The following SPPL2A variants were observed in gnomAD, a reference collection of about 807,000 sequenced individuals.
The protein encoded by SPPL2A is signal peptide peptidase-like 2A.
Under a neutral mutation model 63.8 loss-of-function variants are expected in SPPL2A, and 51 were observed. The ratio of observed to expected loss-of-function variants is 0.80; its 90% confidence interval spans 0.64 to 1.01. SPPL2A has a LOEUF of 1.01. Ranked by LOEUF, SPPL2A falls within the 50% of genes least tolerant of loss-of-function variation. The probability of loss-of-function intolerance (pLI) is 0.00; values close to 1 mark genes in which losing one functional copy is unlikely to be tolerated. For synonymous variants in SPPL2A, 188 were observed against 205.8 expected, an observed-to-expected ratio of 0.91 and a Z score of 0.74; for missense variants, 553 against 622.7, an observed-to-expected ratio of 0.89 and a Z score of 1.19.
In SPPL2A at chr15:50,711,320, C is replaced by T. The variant is rs948024106; in HGVS notation, c.1489-3446G>A. On this transcript the variant is annotated intron_variant, in intron 14 of 14. Coordinates refer to ENST00000261854, the MANE Select transcript of SPPL2A (RefSeq NM_032802.4). The stretch of plus-strand genomic sequence containing the variant: ...CGCCTCCCGGGTTCAAGCAATTCTC[C>T]CCCCTCAGCCTCCCTAGTAGCTGGG... Among the ~76,000 whole-genome samples, 8 of 151,764 alleles carry T rather than the reference C, an allele frequency of 5.3e-5. No individual in the cohort carries two copies. In the South Asian group the frequency reaches 8.3e-4, roughly 16 times the overall value.
At chr15:50,764,319 C>T (rs190238621) in intron 1 of SPPL2A, among the ~76,000 whole-genome samples, 32 of 152,324 alleles carry the variant, frequency 2.1e-4, no homozygotes, top group Non-Finnish European at 3.8e-4. Flanking sequence ...AAGACTCCGA[C>T]TAACACTGCT....
At position 50,736,209 on chromosome 15, in the gene SPPL2A, A is replaced by C. The variant is rs1486794377; in HGVS notation, c.831-7T>G. 6.5e-7 allele frequency: 1 copy of C among 1,550,050 alleles called. No homozygotes were observed. Among genetic ancestry groups the C allele is most frequent in the East Asian group, 2.2e-5 (1 of 44,508 alleles). ...TTTGCCACGACATGCAATCCTAAAA[A>C]ACAGATTAAAATAGTTAACACTGCA... On this transcript the variant is annotated splice_region_variant and splice_polypyrimidine_tract_variant and intron_variant, in intron 7 of 14. Transcript: ENST00000261854.
In SPPL2A at chr15:50,703,820, T is replaced by C. The variant is rs1394471613; in HGVS notation, c.*3980A>G. 6.6e-6 allele frequency: 1 copy of C among 152,072 alleles called. No individual in the cohort carries two copies. Among genetic ancestry groups the C allele is most frequent in the Non-Finnish European group, 1.5e-5 (1 of 68,014 alleles). The allele number at this position is 152,072 out of a possible 1,614,324, so 9.4% of individuals were successfully genotyped here. On this transcript the variant is annotated 3_prime_UTR_variant, in exon 15 of 15. Coordinates refer to ENST00000261854, the MANE Select transcript of SPPL2A (RefSeq NM_032802.4). The stretch of plus-strand genomic sequence containing the variant: ...CTCCATAAATATATACACCTACATG[T>C]ACCCACAATTTTTAAAAATGTAAAA...
chr15:50,719,839 T>C (rs1001038811), intron 14 of SPPL2A, 101 bp downstream of exon 14: 7 of 772,100 alleles, frequency 9.1e-6, no homozygotes, highest in South Asian at 1.9e-5. Context: ...ACAGTACTTT[T>C]TGGTACATAA....
intron 13 of SPPL2A, among the ~76,000 whole-genome samples, chr15:50,721,607 A>ATT (rs34462255): frequency 3.5e-5 from 5 of 143,246 alleles, no homozygotes; most frequent in East Asian, 2.0e-4. Flanking sequence ...TACAAAAATA[A>ATT]TTTTTTTTTT....
At chr15:50,711,729 T>C (rs969459202) in intron 14 of SPPL2A, among the ~76,000 whole-genome samples, 2 of 152,168 alleles carry the variant, frequency 1.3e-5, no homozygotes, top group Non-Finnish European at 2.9e-5. Context: ...GTCCTGCTTT[T>C]TACTACCAAT....
chr15:50,734,914 T>C (rs1443068992), intron 8 of SPPL2A, among the ~76,000 whole-genome samples: 1 of 152,216 alleles, frequency 6.6e-6, no homozygotes, highest in Non-Finnish European at 1.5e-5. Flanking sequence ...TTTTCTTTTT[T>C]TGTTTTTTTG....
At chr15:50,736,233 C>T (rs749940031) in intron 7 of SPPL2A, 31 bp from the exon 8 acceptor site, 8 of 1,240,636 alleles carry the variant, frequency 6.4e-6, no homozygotes, top group Non-Finnish European at 9.5e-6. Context: ...GTTAACACTG[C>T]AGATGAAGTA....
chr15:50,747,419 T>G, intron 5 of SPPL2A, 76 bp downstream of exon 5: 1 of 1,277,524 alleles, frequency 7.8e-7, no homozygotes, highest in Admixed American at 2.1e-5. Flanking sequence ...AATTTTTAAA[T>G]GTTGTTATAT....
At chr15:50,725,893 C>T (rs1400125187) in intron 11 of SPPL2A, 5 of 309,392 alleles carry the variant, frequency 1.6e-5, no homozygotes, top group East Asian at 7.8e-5. Flanking sequence ...ACCAAGTATC[C>T]CCACATTTAA....
At position 50,709,651 on chromosome 15, in the gene SPPL2A, G is replaced by A. The variant is rs567718822; in HGVS notation, c.1489-1777C>T. On this transcript the variant is annotated intron_variant, in intron 14 of 14. Coordinates refer to ENST00000261854, the MANE Select transcript of SPPL2A (RefSeq NM_032802.4). ...CTAAAAATACAAAAATTAGCCAAGC[G>A]TGGTGGTGCGCCTGTAATCCCAAAC... Among the ~76,000 whole-genome samples the A allele has an allele frequency of 1.1e-4, 16 of 152,128 alleles. No homozygotes were observed. In the South Asian group the frequency reaches 2.7e-3, roughly 26 times the overall value.
In SPPL2A at chr15:50,706,389, C is replaced by CAAACAAA; in HGVS notation, c.*1410_*1411insTTTGTTT. 2.2e-5 allele frequency: 1 copy of CAAACAAA among 45,024 alleles called. No homozygotes were observed. Among genetic ancestry groups the CAAACAAA allele is most frequent in the East Asian group, 6.4e-4 (1 of 1,552 alleles). The allele number at this position is 45,024 out of a possible 1,614,324, so 2.8% of individuals were successfully genotyped here. A position where few individuals can be genotyped will look rare whatever the true frequency, so the allele number is the denominator to read the frequency against. ...TGGGCGACAGAGCGAGACTCCGTCT[C>CAAACAAA]AAAAAAAAAAAAAAAAAAAAAAAGA... On this transcript the variant is annotated 3_prime_UTR_variant, in exon 15 of 15. Transcript: ENST00000261854.
intron 10 of SPPL2A, among the ~76,000 whole-genome samples, chr15:50,727,803 G>A (rs542727985): frequency 6.6e-6 from 1 of 152,116 alleles, no homozygotes; most frequent in Non-Finnish European, 1.5e-5. Context: ...ACTAAACTAA[G>A]GCCTGCTGCC....
At chr15:50,734,203 T>G (rs1234998455) in intron 8 of SPPL2A, among the ~76,000 whole-genome samples, 1 of 152,202 alleles carries the variant, frequency 6.6e-6, no homozygotes, top group Non-Finnish European at 1.5e-5. Context: ...CTCATGTTTA[T>G]TGCAGCACTA....
chr15:50,715,597 G>A (rs771719195), intron 14 of SPPL2A, among the ~76,000 whole-genome samples: 4 of 143,448 alleles, frequency 2.8e-5, no homozygotes, highest in African/African-American at 7.8e-5. Flanking sequence ...GTAGCTGCCC[G>A]TTAAGGGTGG....
chr15:50,757,939 G>A (rs1215400680), intron 1 of SPPL2A, among the ~76,000 whole-genome samples: 5 of 149,210 alleles, frequency 3.4e-5, no homozygotes, highest in Admixed American at 1.3e-4. Flanking sequence ...AGCTGAGATC[G>A]AGCCACTGCG....
At chr15:50,745,374 C>G (rs1056687050) in intron 5 of SPPL2A, among the ~76,000 whole-genome samples, 1 of 150,638 alleles carries the variant, frequency 6.6e-6, no homozygotes, top group Non-Finnish European at 1.5e-5. Context: ...TGATCTCGAA[C>G]TCCTAACATG....
At chr15:50,720,149 G>A in intron 13 of SPPL2A, 49 bp from the exon 14 acceptor site, 1 of 1,511,322 alleles carries the variant, frequency 6.6e-7, no homozygotes, top group Non-Finnish European at 8.9e-7. Flanking sequence ...GTTACCAAAG[G>A]TGGGTTTTTT....
chr15:50,726,315 C>T lies in SPPL2A; in HGVS notation c.1146+6G>A. 6.2e-7 allele frequency: 1 copy of T among 1,613,532 alleles called. No homozygotes were observed. Among genetic ancestry groups the T allele is most frequent in the Non-Finnish European group, 8.5e-7 (1 of 1,179,468 alleles). ...ATAGCCATTTCTATTTCATTGCCATCCCTACCTTTTCATTATTTCCAAAAG... is the reference window on the plus strand; with the variant it reads ...ATAGCCATTTCTATTTCATTGCCATTCCTACCTTTTCATTATTTCCAAAAG... On this transcript the variant is annotated splice_donor_region_variant and intron_variant, in intron 11 of 14. Coordinates refer to ENST00000261854, the MANE Select transcript of SPPL2A (RefSeq NM_032802.4).
Sources: allele counts gnomAD v4.1 joint callset (sites outside exome capture counted in the v4.1 genomes callset), GRCh38; gene constraint gnomAD v4.1.1; transcripts MANE v1.5; gene names NCBI Gene and HGNC (gene_info 2026-07-23, HGNC 2026-07-21).